Variants in SSX2IP observed in about 807,000 individuals in gnomAD.
The protein encoded by SSX2IP is afadin- and alpha-actinin-binding protein.
Under a neutral mutation model 84.9 loss-of-function variants are expected in SSX2IP, and 55 were observed. The ratio of observed to expected loss-of-function variants is 0.65; its 90% CI spans 0.52 to 0.81. The LOEUF (loss-of-function observed/expected upper bound fraction) is 0.81. Ranked by LOEUF, SSX2IP falls within the 30% of genes least tolerant of loss-of-function variation. The probability of loss-of-function intolerance (pLI) is 0.00; values close to 1 mark genes in which losing one functional copy is unlikely to be tolerated. For synonymous variants in SSX2IP, 239 were observed against 234.7 expected (o/e 1.02, Z -0.17); for missense variants, 664 against 705.2 (o/e 0.94, Z 0.66).
intron 1 of SSX2IP, among the ~76,000 whole-genome samples, chr1:84,682,334 G>A (rs1032966127): frequency 3.9e-5 from 6 of 152,124 alleles, no homozygotes; most frequent in African/African-American, 1.2e-4. Flanking sequence ...CTTCTGTTAT[G>A]TACTGAGAAA....
At chr1:84,686,314 G>A (rs1302620937) in intron 1 of SSX2IP, among the ~76,000 whole-genome samples, 1 of 152,206 alleles carries the variant, frequency 6.6e-6, no homozygotes, top group Non-Finnish European at 1.5e-5. Context: ...AGTGACTGAG[G>A]ATAGTGAAGA....
At chr1:84,682,126 G>A (rs546184282) in intron 1 of SSX2IP, among the ~76,000 whole-genome samples, 14 of 152,152 alleles carry the variant, frequency 9.2e-5, no homozygotes, top group Admixed American at 4.6e-4. Context: ...AGTTAAATAC[G>A]GTAGGGACTT....
chr1:84,661,490 C>T (rs80333495), intron 8 of SSX2IP, among the ~76,000 whole-genome samples: 1 of 152,022 alleles, frequency 6.6e-6, no homozygotes, highest in East Asian at 1.9e-4. Flanking sequence ...GCCTTGATTG[C>T]CATAACTATT....
At chr1:84,664,587 C>T (rs536651967) in intron 5 of SSX2IP, 35 bp from the exon 6 acceptor site, 13 of 1,502,588 alleles carry the variant, frequency 8.7e-6, no homozygotes, top group African/African-American at 7.2e-5. Flanking sequence ...AGCCCAGTAA[C>T]GATTCACAAA....
intron 1 of SSX2IP, among the ~76,000 whole-genome samples, chr1:84,681,223 C>T (rs1184420564): frequency 1.3e-5 from 2 of 152,062 alleles, no homozygotes; most frequent in East Asian, 1.9e-4. Flanking sequence ...TATAAGAGAG[C>T]AAGCATAATA....
chr1:84,655,619 T>C, intron 11 of SSX2IP: 1 of 1,502,706 alleles, frequency 6.7e-7, no homozygotes, highest in Non-Finnish European at 8.9e-7. Flanking sequence ...TTATAGCGTT[T>C]TTTTTTCTTA....
At chr1:84,664,285 A>T (rs1652462068) in intron 6 of SSX2IP, 132 bp downstream of exon 6, 4 of 938,222 alleles carry the variant, frequency 4.3e-6, no homozygotes, top group Non-Finnish European at 5.9e-6. Context: ...ATAAACAAAC[A>T]CCACTGAAAA....
chr1:84,678,055 G>A (rs563584978), intron 1 of SSX2IP, among the ~76,000 whole-genome samples: 4 of 152,110 alleles, frequency 2.6e-5, no homozygotes, highest in South Asian at 2.1e-4. Context: ...GAGAAATTTC[G>A]GAGTCCCTTC....
At chr1:84,666,661 T>C (rs1304803767) in intron 4 of SSX2IP, among the ~76,000 whole-genome samples, 1 of 152,102 alleles carries the variant, frequency 6.6e-6, no homozygotes, top group East Asian at 1.9e-4. Context: ...TGGAGCTAAG[T>C]CTGAAGAAAA....
At chr1:84,683,806 A>T (rs1655413224) in intron 1 of SSX2IP, among the ~76,000 whole-genome samples, 1 of 152,220 alleles carries the variant, frequency 6.6e-6, no homozygotes, top group African/African-American at 2.4e-5. Context: ...TCAGAGAAGG[A>T]GAAAGGTGAT....
intron 4 of SSX2IP, 127 bp downstream of exon 4, chr1:84,669,554 T>A (rs1653238214): frequency 8.3e-6 from 6 of 723,186 alleles, no homozygotes; most frequent in South Asian, 7.6e-5. Flanking sequence ...AGTTCACTTT[T>A]ACTTACCTGT....
At chr1:84,688,934 T>G (rs970332693) in intron 1 of SSX2IP, among the ~76,000 whole-genome samples, 2 of 152,226 alleles carry the variant, frequency 1.3e-5, no homozygotes, top group Non-Finnish European at 2.9e-5. Context: ...AAAAGAGCCT[T>G]CGTTTTAATT....
rs765786190 is a variant in SSX2IP, at chr1:84,656,441, G to T, written c.1122C>A (p.Ile374=). 1 of 1,613,304 alleles carries T rather than the reference G, an allele frequency of 6.2e-7. No individual in the cohort carries two copies. Among genetic ancestry groups the T allele is most frequent in the Admixed American group, 1.7e-5 (1 of 59,972 alleles). ...HLEGFNDEDV[I]SRQDHEQETE... ...TTTCTTGTTCATGGTCTTGTCGTGA[G>T]ATTACATCTTCATCATTAAAACCTT... The change falls in exon 10 of 14, where the codon ATC becomes ATA. Residue 374 remains isoleucine, a synonymous_variant. Transcript: ENST00000342203.
At chr1:84,649,701 T>C (rs1217490096) in intron 13 of SSX2IP, 1 of 308,478 alleles carries the variant, frequency 3.2e-6, no homozygotes, top group East Asian at 8.6e-5. Flanking sequence ...CTCTCTGTCT[T>C]ACTAGGAATG....
intron 4 of SSX2IP, among the ~76,000 whole-genome samples, chr1:84,668,417 T>C (rs191852226): frequency 6.6e-6 from 1 of 152,228 alleles, no homozygotes. Flanking sequence ...AGTTCCCCAG[T>C]CAGCCAAGAC....
chr1:84,686,163 T>A lies in SSX2IP; in HGVS notation c.-90+4208A>T, dbSNP rs975003344. Among the ~76,000 whole-genome samples the A allele has an allele frequency of 1.1e-4, 17 of 150,968 alleles. 1 individual carries two copies. Among genetic ancestry groups the A allele is most frequent in the Admixed American group, 9.9e-4 (15 of 15,176 alleles). On this transcript the variant is annotated intron_variant, in intron 1 of 13. Coordinates refer to ENST00000342203, the MANE Select transcript of SSX2IP (RefSeq NM_001166293.2). ...ACTACACATGAAGTAACTTAAATAC[T>A]TTTTTGCTTTTTATCTTAATTTTTA...
chr1:84,654,263 CCA>C (rs1404056498), intron 11 of SSX2IP, among the ~76,000 whole-genome samples: 4 of 152,142 alleles, frequency 2.6e-5, no homozygotes, highest in Middle Eastern at 3.4e-3. Flanking sequence ...ACCAAAGCTT[CCA>C]CAGAGGGAGA....
intron 11 of SSX2IP, among the ~76,000 whole-genome samples, chr1:84,653,449 C>G (rs1391473966): frequency 6.6e-6 from 1 of 152,110 alleles, no homozygotes; most frequent in Non-Finnish European, 1.5e-5. Context: ...TCTTGCATGC[C>G]TCCCTCCCAT....
Position 84,643,803 on chromosome 1 carries a change from A to G in SSX2IP, c.*3630T>C, listed in dbSNP as rs988277300. 1 of 151,748 alleles carries G rather than the reference A, an allele frequency of 6.6e-6. No homozygotes were observed. The highest frequency in any genetic ancestry group is 1.5e-5 in the Non-Finnish European group (1 of 67,894). 9.4% of individuals were successfully genotyped at this position (151,748 alleles called of 1,614,324 possible). On this transcript the variant is annotated 3_prime_UTR_variant, in exon 14 of 14. Transcript: ENST00000342203. ...TTTCTGAAGCTCAAATATATGAATG[A>G]GGTGGATCTTTATCAGGAGCTTCAT...
Sources: allele counts gnomAD v4.1 joint callset (sites outside exome capture counted in the v4.1 genomes callset), GRCh38; gene constraint gnomAD v4.1.1; transcripts MANE v1.5; gene names NCBI Gene and HGNC (gene_info 2026-07-23, HGNC 2026-07-21).